The following DPP10 variants were observed in gnomAD, a reference collection of about 807,000 sequenced individuals.
The protein encoded by DPP10 is dipeptidyl peptidase like 10, also known as inactive dipeptidyl peptidase 10.
A neutral mutation model predicts 120.9 loss-of-function variants in DPP10; 33 were observed. The observed-to-expected ratio is 0.27, with a 90% CI of 0.21 to 0.37. The LOEUF is 0.37. Among genes scored for constraint, DPP10 ranks in the 10% least tolerant of loss-of-function variants. DPP10 has a pLI of 1.00. For synonymous variants in DPP10, 337 were observed against 326.1 expected, an observed-to-expected ratio of 1.03 and a Z score of -0.36; for missense variants, 816 against 942.8, an observed-to-expected ratio of 0.87 and a Z score of 1.76.
chr2:114,624,608 C>CA (rs1413100618), intron 1 of DPP10, among the ~76,000 whole-genome samples: 4 of 151,986 alleles, frequency 2.6e-5, no homozygotes, highest in African/African-American at 9.6e-5. Flanking sequence ...AGACTCCCAT[C>CA]ATGTGGCAGG....
At chr2:115,119,519 C>G (rs1054036268) in intron 1 of DPP10, among the ~76,000 whole-genome samples, 1 of 152,148 alleles carries the variant, frequency 6.6e-6, no homozygotes, top group African/African-American at 2.4e-5. Flanking sequence ...CATTTCTGCC[C>G]TCAAGAGTAC....
At chr2:115,453,090 T>C (rs2073243697) in intron 3 of DPP10, among the ~76,000 whole-genome samples, 1 of 151,688 alleles carries the variant, frequency 6.6e-6, no homozygotes. Context: ...CCTTACCTTA[T>C]GTTTGATTTT....
intron 5 of DPP10, among the ~76,000 whole-genome samples, chr2:115,641,357 T>C (rs2086765763): frequency 6.6e-6 from 1 of 152,174 alleles, no homozygotes; most frequent in Non-Finnish European, 1.5e-5. Flanking sequence ...CAGTGTCATC[T>C]CCTCACAGTC....
chr2:114,555,060 T>C (rs746575513), intron 1 of DPP10, among the ~76,000 whole-genome samples: 13 of 152,276 alleles, frequency 8.5e-5, no homozygotes, highest in Middle Eastern at 3.4e-3. Context: ...ATTTAAGCCA[T>C]GTTATCCTAT....
chr2:115,327,950 T>G (rs2062463595), intron 2 of DPP10, among the ~76,000 whole-genome samples: 2 of 152,060 alleles, frequency 1.3e-5, no homozygotes, highest in Admixed American at 6.6e-5. Flanking sequence ...GTATCACAAG[T>G]GAAAATTTCA....
chr2:115,045,841 T>C (rs1357131371), intron 1 of DPP10, among the ~76,000 whole-genome samples: 2 of 152,074 alleles, frequency 1.3e-5, no homozygotes, highest in Admixed American at 1.3e-4. Context: ...CACTGGAGGG[T>C]TCTATTTGGC....
intron 1 of DPP10, among the ~76,000 whole-genome samples, chr2:114,513,288 C>A (rs896606980): frequency 6.6e-6 from 1 of 151,846 alleles, no homozygotes; most frequent in South Asian, 2.1e-4. Context: ...TTTGGGAGGC[C>A]GAGGCAGGTG....
chr2:114,571,267 T>C (rs1689622117), intron 1 of DPP10, among the ~76,000 whole-genome samples: 1 of 151,870 alleles, frequency 6.6e-6, no homozygotes, highest in African/African-American at 2.4e-5. Context: ...AATGAGTGAG[T>C]TATCGTGAGA....
At chr2:115,537,492 A>T (rs994155913) in intron 5 of DPP10, among the ~76,000 whole-genome samples, 7 of 151,104 alleles carry the variant, frequency 4.6e-5, no homozygotes, top group Admixed American at 1.3e-4. Context: ...TTAATAAGTT[A>T]GTGTATTATA....
chr2:114,989,327 T>C (rs1286644891), intron 1 of DPP10, among the ~76,000 whole-genome samples: 1 of 152,112 alleles, frequency 6.6e-6, no homozygotes, highest in Non-Finnish European at 1.5e-5. Flanking sequence ...CTGGAGAAAA[T>C]TTTATACAGA....
chr2:115,175,426 A>G (rs2053623814), intron 1 of DPP10, among the ~76,000 whole-genome samples: 1 of 152,186 alleles, frequency 6.6e-6, no homozygotes, highest in Non-Finnish European at 1.5e-5. Flanking sequence ...AGGAAGAAAT[A>G]AACATATGAA....
At chr2:114,548,800 G>A (rs976744180) in intron 1 of DPP10, among the ~76,000 whole-genome samples, 4 of 152,168 alleles carry the variant, frequency 2.6e-5, no homozygotes, top group Non-Finnish European at 4.4e-5. Flanking sequence ...TATGGCACCA[G>A]TTGCTTGTAA....
intron 5 of DPP10, among the ~76,000 whole-genome samples, chr2:115,559,920 A>G (rs2080456113): frequency 6.6e-6 from 1 of 152,142 alleles, no homozygotes; most frequent in Non-Finnish European, 1.5e-5. Flanking sequence ...ATTGTCTACC[A>G]AGCTTCCATG....
chr2:114,960,696 C>T (rs1305389428), intron 1 of DPP10, among the ~76,000 whole-genome samples: 1 of 152,074 alleles, frequency 6.6e-6, no homozygotes, highest in Non-Finnish European at 1.5e-5. Context: ...ACAGTTTCTG[C>T]TCCAGTGAAA....
chr2:115,642,446 C>T (rs2086862954), intron 5 of DPP10, among the ~76,000 whole-genome samples: 1 of 152,152 alleles, frequency 6.6e-6, no homozygotes, highest in Admixed American at 6.5e-5. Flanking sequence ...TGCCAGCCAA[C>T]TACCTTTGTA....
intron 1 of DPP10, among the ~76,000 whole-genome samples, chr2:114,945,906 A>G (rs1392320886): frequency 6.6e-6 from 1 of 152,222 alleles, no homozygotes; most frequent in African/African-American, 2.4e-5. Flanking sequence ...CAAGATCATA[A>G]TCAATAGTAA....
In DPP10 at chr2:115,708,782, C is replaced by T. The variant is rs77394841; in HGVS notation, c.576+18861C>T. On this transcript the variant is annotated intron_variant, in intron 7 of 25. Coordinates refer to ENST00000410059, the MANE Select transcript of DPP10 (RefSeq NM_020868.6). ...ATTAGAATCAAAACTAGATATAAAC[C>T]ACTTCACCCTTTAAAATTATATAAT... 7.5e-3 allele frequency among the ~76,000 whole-genome samples: 1,141 copies of T among 151,952 alleles called. 12 individuals are homozygous for T. Among genetic ancestry groups the T allele is most frequent in the African/African-American group, 0.024 (976 of 41,466 alleles).
chr2:114,669,511 C>T (rs954761520), intron 1 of DPP10, among the ~76,000 whole-genome samples: 25 of 152,076 alleles, frequency 1.6e-4, no homozygotes, highest in African/African-American at 6.0e-4. Context: ...TTGTCTCTTT[C>T]TTTCTCACTA....
At chr2:115,671,340 G>T (rs2089857931) in intron 5 of DPP10, among the ~76,000 whole-genome samples, 1 of 151,652 alleles carries the variant, frequency 6.6e-6, no homozygotes, top group Admixed American at 6.6e-5. Context: ...TTTTTGGTTT[G>T]CATTGACTTA....
Sources: allele counts gnomAD v4.1 joint callset (sites outside exome capture counted in the v4.1 genomes callset), GRCh38; gene constraint gnomAD v4.1.1; transcripts MANE v1.5; gene names NCBI Gene and HGNC (gene_info 2026-07-23, HGNC 2026-07-21).